PRKD3: variants seen among roughly 807,000 people sequenced by gnomAD.
PRKD3 encodes serine/threonine-protein kinase D3.
Under a neutral mutation model 99.2 loss-of-function variants are expected in PRKD3, and 47 were observed. The observed-to-expected ratio is 0.47, with a 90% CI of 0.38 to 0.60. The LOEUF (loss-of-function observed/expected upper bound fraction) is 0.60. Among genes scored for constraint, PRKD3 ranks in the 20% least tolerant of loss-of-function variants. PRKD3 has a pLI of 0.00. For missense variants in PRKD3, 1,019 were observed against 1,088.4 expected, an observed-to-expected ratio of 0.94 and a Z score of 0.90; for synonymous variants, 392 against 355.4, an observed-to-expected ratio of 1.10 and a Z score of -1.16.
intron 2 of PRKD3, among the ~76,000 whole-genome samples, chr2:37,299,659 A>C (rs1388820921): frequency 6.6e-6 from 1 of 152,148 alleles, no homozygotes; most frequent in Non-Finnish European, 1.5e-5. Flanking sequence ...AATAACCAGA[A>C]TATATAAGGA....
At position 37,264,331 on chromosome 2, in the gene PRKD3, C is replaced by G. The variant is rs139990474; in HGVS notation, c.1884+3099G>C. 4.7e-4 allele frequency among the ~76,000 whole-genome samples: 72 copies of G among 152,228 alleles called. No individual in the cohort carries two copies. The East Asian group carries it at 0.012, about 25-fold the overall frequency. ...TCATTAAATATTAAATAAGAATTTG[C>G]CGTGTACCCAGTACTATGTGGGTAT... is the stretch of plus-strand genomic sequence containing the variant. On this transcript the variant is annotated intron_variant, in intron 14 of 18. Transcript: ENST00000234179.
chr2:37,274,732 T>C (rs749278305), intron 10 of PRKD3, 35 bp from the exon 11 acceptor site: 3 of 1,566,304 alleles, frequency 1.9e-6, no homozygotes. Flanking sequence ...AAAATAAGAA[T>C]AGATCTTTGT....
intron 1 of PRKD3, among the ~76,000 whole-genome samples, chr2:37,322,767 T>G (rs939840609): frequency 2.6e-5 from 4 of 152,164 alleles, no homozygotes; most frequent in Admixed American, 2.6e-4. Flanking sequence ...GAGATACATA[T>G]ATATATATAG....
intron 1 of PRKD3, among the ~76,000 whole-genome samples, chr2:37,322,871 T>A (rs1308481600): frequency 6.6e-6 from 1 of 152,158 alleles, no homozygotes; most frequent in Non-Finnish European, 1.5e-5. Flanking sequence ...AAATTAAAAC[T>A]TGTACTAGCA....
chr2:37,278,887 G>C (rs930379481), intron 8 of PRKD3: 2 of 151,294 alleles, frequency 1.3e-5, no homozygotes, highest in African/African-American at 4.9e-5. Flanking sequence ...AGTGAGTGGA[G>C]ATTGTGCCAC....
At chr2:37,321,426 G>A (rs988202884) in intron 1 of PRKD3, among the ~76,000 whole-genome samples, 1 of 152,090 alleles carries the variant, frequency 6.6e-6, no homozygotes, top group Non-Finnish European at 1.5e-5. Flanking sequence ...CTTACTTGAG[G>A]ATTATCTCAC....
chr2:37,281,890 CT>C (rs1156993818), intron 7 of PRKD3, among the ~76,000 whole-genome samples: 1 of 151,840 alleles, frequency 6.6e-6, no homozygotes, highest in Admixed American at 6.6e-5. Flanking sequence ...TTACTGCTTC[CT>C]TCCAAAAAAA....
chr2:37,254,098 G>A, intron 18 of PRKD3, 106 bp downstream of exon 18: 1 of 794,136 alleles, frequency 1.3e-6, no homozygotes. Flanking sequence ...TCACTTAAGA[G>A]CACTTTTATT....
chr2:37,260,707 C>A (rs1207874840), intron 14 of PRKD3, among the ~76,000 whole-genome samples: 1 of 152,152 alleles, frequency 6.6e-6, no homozygotes, highest in East Asian at 1.9e-4. Context: ...CCTGAATAGG[C>A]ACCAACTGCC....
rs1671685346 is a variant in PRKD3 at position 37,316,811 on chromosome 2, A to G, written c.-287T>C. 1 of 1,218,050 alleles carries G rather than the reference A, an allele frequency of 8.2e-7. No individual in the cohort carries two copies. The highest frequency in any genetic ancestry group is 4.2e-5 in the East Asian group (1 of 23,976). 75.5% of individuals were successfully genotyped at this position (1,218,050 alleles called of 1,614,324 possible). ...GATTTAACATCACTGAGCTATCCTC[A>G]GCAGGATAGAGTTGACGTAGCTTAT... On this transcript the variant is annotated 5_prime_UTR_variant, in exon 2 of 19. Coordinates refer to ENST00000234179, the MANE Select transcript of PRKD3 (RefSeq NM_005813.6).
intron 2 of PRKD3, among the ~76,000 whole-genome samples, chr2:37,309,822 T>C (rs1366337947): frequency 2.4e-5 from 3 of 126,072 alleles, no homozygotes; most frequent in Non-Finnish European, 4.7e-5. Context: ...CATTCCAGCC[T>C]GGCGACAGAG....
At chr2:37,272,805 G>A (rs1297837690) in intron 11 of PRKD3, among the ~76,000 whole-genome samples, 1 of 152,076 alleles carries the variant, frequency 6.6e-6, no homozygotes, top group Non-Finnish European at 1.5e-5. Flanking sequence ...TGGGCTACAG[G>A]ATACCCTATC....
intron 5 of PRKD3, among the ~76,000 whole-genome samples, chr2:37,288,815 G>A (rs876461): frequency 0.13 from 19,722 of 152,118 alleles, 1,455 homozygotes; most frequent in South Asian, 0.27. Context: ...CAGAACTTTG[G>A]GAGGCCGAGG....
chr2:37,251,323 G>T lies in PRKD3; in HGVS notation c.*1854C>A, dbSNP rs893188553. The stretch of plus-strand genomic sequence containing the variant: ...AGATAGTACAGCATAATGGTTGGGA[G>T]GGCTAAGGGTAAGATTAGAGCCATA... On this transcript the variant is annotated 3_prime_UTR_variant, in exon 19 of 19. Coordinates refer to ENST00000234179, the MANE Select transcript of PRKD3 (RefSeq NM_005813.6). 1.3e-5 allele frequency: 2 copies of T among 152,522 alleles called. No individual in the cohort carries two copies. The highest frequency in any genetic ancestry group is 6.6e-5 in the Admixed American group (1 of 15,264). The allele number at this position is 152,522 out of a possible 1,614,324, so 9.4% of individuals were successfully genotyped here. A position where few individuals can be genotyped will look rare whatever the true frequency, so the allele number is the denominator to read the frequency against.
rs1669895894 is a variant in PRKD3, at chr2:37,282,432, T to C, written c.988+110A>G. The C allele has an allele frequency of 4.1e-6, 3 of 733,876 alleles. No homozygotes were observed. In the Admixed American group the frequency reaches 7.9e-5, roughly 19 times the overall value. The allele number at this position is 733,876 out of a possible 1,614,324, so 45.5% of individuals were successfully genotyped here. A position where few individuals can be genotyped will look rare whatever the true frequency, so the allele number is the denominator to read the frequency against. ...GTTTGATTATTAAATCAGAAGAAAA[T>C]CTTTAAGAAACAAAATAAATCAGGA... On this transcript the variant is annotated intron_variant, in intron 7 of 18. Transcript: ENST00000234179.
At chr2:37,315,537 GATAACAA>G (rs1299725062) in intron 2 of PRKD3, among the ~76,000 whole-genome samples, 7 of 152,144 alleles carry the variant, frequency 4.6e-5, no homozygotes, top group Non-Finnish European at 1.0e-4. Context: ...GGTACCTAGA[GATAACAA>G]GGTATGGAGA....
chr2:37,310,421 T>C (rs1572699921), intron 2 of PRKD3, among the ~76,000 whole-genome samples: 1 of 152,232 alleles, frequency 6.6e-6, no homozygotes, highest in East Asian at 1.9e-4. Flanking sequence ...ACCTCATTTT[T>C]CAGACAAGGA....
At chr2:37,259,746 T>C (rs1668262619) in intron 15 of PRKD3, 65 bp from the exon 16 acceptor site, 1 of 1,111,468 alleles carries the variant, frequency 9.0e-7, no homozygotes, top group East Asian at 2.4e-5. Flanking sequence ...ATGTGACTCC[T>C]TGAATGATTT....
rs72863193 is a variant in PRKD3, at chr2:37,308,117, A to G, written c.288+8120T>C. On this transcript the variant is annotated intron_variant, in intron 2 of 18. Coordinates refer to ENST00000234179, the MANE Select transcript of PRKD3 (RefSeq NM_005813.6). Reference sequence around the variant, plus strand: ...TACTAATTTAATCTTTTTGTAAAACATAACTCTCATATCATTTGACCAAGT... The same window carrying G: ...TACTAATTTAATCTTTTTGTAAAACGTAACTCTCATATCATTTGACCAAGT... Among the ~76,000 whole-genome samples the G allele has an allele frequency of 3.6e-3, 542 of 152,364 alleles. 3 individuals carry two copies. The highest frequency in any genetic ancestry group is 0.013 in the African/African-American group (521 of 41,588).
Sources: gnomAD v4.1 joint callset for allele counts (sites outside exome capture counted in the v4.1 genomes callset) on GRCh38, gnomAD v4.1.1 for gene constraint, MANE v1.5 for transcripts, NCBI Gene and HGNC (gene_info 2026-07-23, HGNC 2026-07-21) for gene names.